The following ANK1 variants were observed in gnomAD, a reference collection of about 807,000 sequenced individuals.
ANK1 encodes ankyrin-1.
In ANK1, 51 loss-of-function variants were observed where a neutral mutation model predicts 210.4. The ratio of observed to expected loss-of-function variants is 0.24; its 90% CI spans 0.19 to 0.31. The LOEUF (loss-of-function observed/expected upper bound fraction) is 0.31. Among genes scored for constraint, ANK1 ranks in the 10% least tolerant of loss-of-function variants. The pLI is 1.00. For missense variants in ANK1, 2,051 were observed against 2,504.4 expected (o/e 0.82, Z 3.86); for synonymous variants, 967 against 1,025.9 (o/e 0.94, Z 1.10).
At chr8:41,762,183 T>G (rs1206958752) in intron 1 of ANK1, among the ~76,000 whole-genome samples, 2 of 152,186 alleles carry the variant, frequency 1.3e-5, no homozygotes, top group African/African-American at 2.4e-5. Flanking sequence ...TCTCATGCTC[T>G]GTCTACCTCC....
intron 36 of ANK1, 103 bp from the exon 37 acceptor site, chr8:41,684,793 T>G: frequency 6.8e-7 from 1 of 1,476,418 alleles, no homozygotes; most frequent in Non-Finnish European, 9.3e-7. Flanking sequence ...AGGAGATAAT[T>G]TTTTTCAGAA....
At chr8:41,758,839 G>C (rs187284441) in intron 1 of ANK1, among the ~76,000 whole-genome samples, 1 of 152,138 alleles carries the variant, frequency 6.6e-6, no homozygotes, top group South Asian at 2.1e-4. Flanking sequence ...ATGAATGCAG[G>C]CACCAAAGGA....
intron 16 of ANK1, among the ~76,000 whole-genome samples, chr8:41,711,955 C>T (rs1034576635): frequency 6.6e-6 from 1 of 151,606 alleles, no homozygotes; most frequent in African/African-American, 2.4e-5. Flanking sequence ...GACAGAGTCT[C>T]GCTCTCTTGC....
intron 1 of ANK1, among the ~76,000 whole-genome samples, chr8:41,880,924 A>C (rs943625440): frequency 6.6e-6 from 1 of 152,248 alleles, no homozygotes; most frequent in African/African-American, 2.4e-5. Context: ...GGCCATTTCC[A>C]AGTGGAACAA....
chr8:41,656,266 T>G (rs920477290), intron 42 of ANK1, among the ~76,000 whole-genome samples: 6 of 152,244 alleles, frequency 3.9e-5, no homozygotes, highest in African/African-American at 1.4e-4. Context: ...TGCGCCAGCC[T>G]TGGGAACCCA....
At chr8:41,894,192 G>A (rs1343777567) in intron 1 of ANK1, among the ~76,000 whole-genome samples, 1 of 152,004 alleles carries the variant, frequency 6.6e-6, no homozygotes, top group Admixed American at 6.6e-5. Context: ...CTAAGAGTAT[G>A]CGTCACTGCT....
At chr8:41,760,312 T>C (rs1374354117) in intron 1 of ANK1, among the ~76,000 whole-genome samples, 1 of 152,104 alleles carries the variant, frequency 6.6e-6, no homozygotes, top group Non-Finnish European at 1.5e-5. Flanking sequence ...GCTGTTCCCA[T>C]GAAAGTGAAT....
chr8:41,798,130 C>G (rs1218166865), upstream of ANK1, among the ~76,000 whole-genome samples: 1 of 151,846 alleles, frequency 6.6e-6, no homozygotes, highest in African/African-American at 2.4e-5. Flanking sequence ...AGTCGGGGAG[C>G]GCTGAGCCAG....
rs189764468 is a variant in ANK1 at position 41,886,516 on chromosome 8, C to T, written c.126+9839G>A. On this transcript the variant is annotated intron_variant, in intron 1 of 42. Transcript: ENST00000265709. ...GCTAAAGCTCTGCTGATGCTCTGGC[C>T]CCCTTGCCCAAGGGTACACTGGAAT... Among the ~76,000 whole-genome samples the T allele has an allele frequency of 1.4e-4, 22 of 152,308 alleles. No homozygotes were observed. The South Asian group carries it at 2.3e-3, about 16-fold the overall frequency.
intron 1 of ANK1, among the ~76,000 whole-genome samples, chr8:41,862,660 CAAAA>C (rs60114930): frequency 1.2e-4 from 12 of 99,634 alleles, no homozygotes; most frequent in African/African-American, 2.8e-4. Flanking sequence ...GAGGCTCAGA[CAAAA>C]AAAAAAAAAA....
chr8:41,865,288 G>A (rs886722292), intron 1 of ANK1, among the ~76,000 whole-genome samples: 9 of 152,220 alleles, frequency 5.9e-5, no homozygotes, highest in East Asian at 1.9e-4. Flanking sequence ...TTGCTGAGCC[G>A]GGCCTTCCTC....
At position 41,802,717 on chromosome 8, in the gene ANK1, C is replaced by T. The variant is rs182454533; in HGVS notation, c.127-44580G>A. ...CCAGCACTCTGGGAGGCCGATCACT[C>T]GGGCAACATGGCAAAACCCCATCTC... On this transcript the variant is annotated intron_variant, in intron 1 of 42. Transcript: ENST00000265709. Among the ~76,000 whole-genome samples, 302 of 151,966 alleles carry T rather than the reference C, an allele frequency of 2.0e-3. 4 individuals carry two copies. Among genetic ancestry groups the T allele is most frequent in the Non-Finnish European group, 3.4e-4 (23 of 67,952 alleles).
At position 41,688,206 on chromosome 8, in the gene ANK1, G is replaced by C. The variant is rs1818229858; in HGVS notation, c.4208C>G (p.Ala1403Gly). Residue 1403 changes from alanine (A) to glycine (G), a missense_variant, in exon 35 of 43, where the codon GCA becomes GGA. By Grantham distance (60) the Ala-to-Gly change is moderately conservative (BLOSUM62 0). This residue lies in a region of ANK1 where 1,413 missense variants were observed against 1,707.4 expected (regional missense o/e 0.83). Transcript: ENST00000289734. Reference sequence around the variant, plus strand: ...TGAGATAACAGCCATCTTCATCTCTGCCTGCTCTGTCCCACTGAGAGAACC... The same window carrying C: ...TGAGATAACAGCCATCTTCATCTCTCCCTGCTCTGTCCCACTGAGAGAACC... ...TPGSLSGTEQ[A>G]EMKMAVISEH... is the part of the protein sequence containing the mutation. 6.2e-7 allele frequency: 1 copy of C among 1,614,114 alleles called. No homozygotes were observed. Among genetic ancestry groups the C allele is most frequent in the African/African-American group, 1.3e-5 (1 of 74,944 alleles).
chr8:41,767,659 G>A (rs1842141737), intron 1 of ANK1, among the ~76,000 whole-genome samples: 1 of 152,212 alleles, frequency 6.6e-6, no homozygotes, highest in Non-Finnish European at 1.5e-5. Context: ...TGCGAAGGGG[G>A]TGCGCGCGGG....
chr8:41,818,026 T>G (rs574230334), intron 1 of ANK1, among the ~76,000 whole-genome samples: 3 of 152,238 alleles, frequency 2.0e-5, no homozygotes, highest in African/African-American at 7.2e-5. Context: ...GATGGCCACC[T>G]GCACATACAG....
intron 1 of ANK1, among the ~76,000 whole-genome samples, chr8:41,790,313 A>C (rs1376638654): frequency 6.6e-6 from 1 of 151,890 alleles, no homozygotes; most frequent in East Asian, 1.9e-4. Context: ...TGCCCAGCGA[A>C]TTTTTGTATT....
intron 1 of ANK1, among the ~76,000 whole-genome samples, chr8:41,851,605 C>T (rs1356022551): frequency 6.6e-6 from 1 of 152,218 alleles, no homozygotes; most frequent in Non-Finnish European, 1.5e-5. Context: ...AATCCTAGTG[C>T]TTTGGGAGGC....
intron 2 of ANK1, among the ~76,000 whole-genome samples, chr8:41,754,256 A>C (rs941006690): frequency 6.6e-6 from 1 of 152,206 alleles, no homozygotes; most frequent in African/African-American, 2.4e-5. Context: ...GCAAACAATA[A>C]ATTTTAAAAT....
chr8:41,781,303 C>A (rs1389296923), intron 1 of ANK1, among the ~76,000 whole-genome samples: 1 of 152,210 alleles, frequency 6.6e-6, no homozygotes, highest in East Asian at 1.9e-4. Context: ...AAGCTCTGGA[C>A]CACACACAAG....
Sources: gnomAD v4.1 joint callset for allele counts (sites outside exome capture counted in the v4.1 genomes callset) on GRCh38, gnomAD v4.1.1 for gene constraint, gnomAD v4.1.1 regional missense constraint, MANE v1.5 for transcripts, NCBI Gene and HGNC (gene_info 2026-07-23, HGNC 2026-07-21) for gene names.